Variants in MIS18A observed in about 807,000 individuals in gnomAD.
MIS18A encodes the protein protein Mis18-alpha.
A neutral mutation model predicts 25.0 loss-of-function variants in MIS18A; 14 were observed. That is an observed-to-expected ratio of 0.56 (90% CI 0.37 to 0.88). The LOEUF (loss-of-function observed/expected upper bound fraction) is 0.88, where lower values mean the gene tolerates loss of function less well. Ranked by LOEUF, MIS18A falls within the 40% of genes least tolerant of loss-of-function variation. The pLI is 0.00. For synonymous variants in MIS18A, 134 were observed against 118.6 expected, an observed-to-expected ratio of 1.13 and a Z score of -0.84; for missense variants, 292 against 290.8, an observed-to-expected ratio of 1.00 and a Z score of -0.03.
chr21:32,200,210 A>T, the MIS18A span, among the ~76,000 whole-genome samples: 1 of 152,212 alleles, frequency 6.6e-6, no homozygotes, highest in Non-Finnish European at 1.5e-5. Context: ...GCATGGCCAT[A>T]TTCCAATAAA....
At chr21:32,258,585 G>A in the MIS18A span, among the ~76,000 whole-genome samples, 1 of 152,140 alleles carries the variant, frequency 6.6e-6, no homozygotes, top group African/African-American at 2.4e-5. Flanking sequence ...CAGCCTGAGA[G>A]TGATACTAAC....
At chr21:32,162,266 T>C in the MIS18A span, among the ~76,000 whole-genome samples, 2 of 152,102 alleles carry the variant, frequency 1.3e-5, no homozygotes, top group Admixed American at 1.3e-4. Context: ...CAGTGAAACT[T>C]TGCCTGCCCT....
chr21:32,157,703 A>AT, the MIS18A span, among the ~76,000 whole-genome samples: 1 of 151,790 alleles, frequency 6.6e-6, no homozygotes, highest in Non-Finnish European at 1.5e-5. Context: ...TAGATTGTTT[A>AT]TTTTTTTCAT....
the MIS18A span, among the ~76,000 whole-genome samples, chr21:32,161,678 G>A: frequency 5.4e-5 from 8 of 148,442 alleles, no homozygotes; most frequent in Non-Finnish European, 1.2e-4. Context: ...TTTTAGTAGA[G>A]ATGGGATTTC....
At chr21:32,275,058 T>C (rs1569015863) in intron 1 of MIS18A, among the ~76,000 whole-genome samples, 162 bp from the exon 2 acceptor site, 1 of 152,140 alleles carries the variant, frequency 6.6e-6, no homozygotes, top group South Asian at 2.1e-4. Flanking sequence ...ACTGGGGTCT[T>C]CTGGGAAAAG....
chr21:32,230,250 T>C, the MIS18A span, among the ~76,000 whole-genome samples: 1 of 152,210 alleles, frequency 6.6e-6, no homozygotes, highest in Non-Finnish European at 1.5e-5. Flanking sequence ...TTTTCAAGTA[T>C]ATCAAAATAT....
the MIS18A span, among the ~76,000 whole-genome samples, chr21:32,214,300 C>T: frequency 1.3e-5 from 2 of 152,158 alleles, no homozygotes; most frequent in African/African-American, 4.8e-5. Flanking sequence ...CACATCTTGG[C>T]AGTTGGTGGG....
At chr21:32,204,279 A>G in the MIS18A span, among the ~76,000 whole-genome samples, 1 of 152,070 alleles carries the variant, frequency 6.6e-6, no homozygotes, top group Non-Finnish European at 1.5e-5. Flanking sequence ...TGGGTGGATC[A>G]TGAGGTCCAC....
the MIS18A span, among the ~76,000 whole-genome samples, chr21:32,157,403 G>C: frequency 2.6e-4 from 39 of 151,782 alleles, no homozygotes; most frequent in African/African-American, 9.4e-4. Flanking sequence ...TTGTCCATTA[G>C]TGATTGTTCA....
At chr21:32,276,654 G>T (rs2031816638) in intron 1 of MIS18A, among the ~76,000 whole-genome samples, 1 of 151,618 alleles carries the variant, frequency 6.6e-6, no homozygotes, top group Non-Finnish European at 1.5e-5. Flanking sequence ...TATAGGATTG[G>T]GTGCTGTAAC....
At chr21:32,225,377 T>G in the MIS18A span, among the ~76,000 whole-genome samples, 1 of 89,738 alleles carries the variant, frequency 1.1e-5, no homozygotes, top group African/African-American at 6.6e-5. Flanking sequence ...CGCAACCTAC[T>G]CATCTGACAA....
downstream of MIS18A, among the ~76,000 whole-genome samples, chr21:32,265,814 G>A (rs1231988005): frequency 5.3e-5 from 8 of 152,236 alleles, no homozygotes. Flanking sequence ...TGGGGACGTG[G>A]AGAGTCTTTA....
chr21:32,238,658 C>T, the MIS18A span, among the ~76,000 whole-genome samples: 1 of 152,300 alleles, frequency 6.6e-6, no homozygotes, highest in Non-Finnish European at 1.5e-5. Flanking sequence ...ATACCATCAC[C>T]TCTATGCCCT....
the MIS18A span, among the ~76,000 whole-genome samples, chr21:32,253,497 T>C: frequency 6.6e-6 from 1 of 151,638 alleles, no homozygotes; most frequent in African/African-American, 2.4e-5. Flanking sequence ...TTTTTATCTC[T>C]GACAGCAAGC....
chr21:32,208,057 G>T, the MIS18A span, among the ~76,000 whole-genome samples: 1 of 152,198 alleles, frequency 6.6e-6, no homozygotes, highest in African/African-American at 2.4e-5. Context: ...ACCAAATGTA[G>T]GCATAAACAC....
chr21:32,210,672 G>C, the MIS18A span, among the ~76,000 whole-genome samples: 1 of 152,176 alleles, frequency 6.6e-6, no homozygotes, highest in African/African-American at 2.4e-5. Context: ...AGGAATGTTT[G>C]TGCTGACAAC....
At chr21:32,251,313 A>T in the MIS18A span, among the ~76,000 whole-genome samples, 1 of 152,058 alleles carries the variant, frequency 6.6e-6, no homozygotes, top group African/African-American at 2.4e-5. Context: ...TGTGGCTCTT[A>T]AATGTACCAA....
At chr21:32,253,148 G>T in the MIS18A span, among the ~76,000 whole-genome samples, 2 of 150,992 alleles carry the variant, frequency 1.3e-5, no homozygotes, top group Non-Finnish European at 3.0e-5. Context: ...ACACCATGCA[G>T]ATGGTGCCCC....
chr21:32,220,531 AC>A, the MIS18A span, among the ~76,000 whole-genome samples: 1 of 152,218 alleles, frequency 6.6e-6, no homozygotes, highest in East Asian at 1.9e-4. Context: ...AAAAACCAGC[AC>A]AAAAAAGCTG....
Sources: allele counts gnomAD v4.1 joint callset (sites outside exome capture counted in the v4.1 genomes callset), GRCh38; gene constraint gnomAD v4.1.1; transcripts MANE v1.5; gene names NCBI Gene and HGNC (gene_info 2026-07-23, HGNC 2026-07-21).